GRHL2: variants seen among roughly 807,000 people sequenced by gnomAD.
The protein encoded by GRHL2 is grainyhead like transcription factor 2.
Under a neutral mutation model 83.8 loss-of-function variants are expected in GRHL2, and 21 were observed. The ratio of observed to expected loss-of-function variants is 0.25; its 90% CI spans 0.18 to 0.36. The LOEUF is 0.36. GRHL2 is among the 10% of genes least tolerant of loss of function. The pLI, the probability that GRHL2 is intolerant of heterozygous loss-of-function variation, is 1.00. For synonymous variants in GRHL2, 280 were observed against 278.9 expected (o/e 1.00, Z -0.04); for missense variants, 623 against 781.8 (o/e 0.80, Z 2.42).
At chr8:101,561,082 T>C (rs1402787446) in intron 4 of GRHL2, among the ~76,000 whole-genome samples, 1 of 152,104 alleles carries the variant, frequency 6.6e-6, no homozygotes, top group African/African-American at 2.4e-5. Context: ...CTTTTTTTGT[T>C]TGTTTTTTGT....
chr8:101,518,103 CT>C (rs1563560587), intron 1 of GRHL2, among the ~76,000 whole-genome samples: 1 of 152,208 alleles, frequency 6.6e-6, no homozygotes. Flanking sequence ...GTATAGCAGC[CT>C]TTTCCTAAAC....
At chr8:101,676,111 A>C in the GRHL2 span, among the ~76,000 whole-genome samples, 1 of 151,564 alleles carries the variant, frequency 6.6e-6, no homozygotes, top group African/African-American at 2.4e-5. Context: ...AAAACCCTAG[A>C]AGAAAACCTA....
Position 101,644,127 on chromosome 8 carries a change from C to T in GRHL2, c.1518-4C>T, listed in dbSNP as rs1287354862. On this transcript the variant is annotated splice_region_variant and splice_polypyrimidine_tract_variant and intron_variant, in intron 12 of 15. Transcript: ENST00000646743. ...ACTTAAGGATTTCTGCTTATCTTTTCTAGTGGCAGTGTCCTTGTTAAACGG... is the reference window on the plus strand; with the variant it reads ...ACTTAAGGATTTCTGCTTATCTTTTTTAGTGGCAGTGTCCTTGTTAAACGG... 4 of 1,613,352 alleles carry T rather than the reference C, an allele frequency of 2.5e-6. No individual in the cohort carries two copies. The Admixed American group carries it at 6.7e-5, about 27-fold the overall frequency.
At chr8:101,586,394 C>A (rs761924726) in intron 7 of GRHL2, among the ~76,000 whole-genome samples, 8 of 152,172 alleles carry the variant, frequency 5.3e-5, no homozygotes, top group Admixed American at 2.0e-4. Context: ...TTTGACCCAT[C>A]TCTGGGGTTC....
At chr8:101,664,300 G>A (rs965711415) in intron 14 of GRHL2, among the ~76,000 whole-genome samples, 154 bp from the exon 15 acceptor site, 2 of 151,658 alleles carry the variant, frequency 1.3e-5, no homozygotes, top group African/African-American at 4.9e-5. Context: ...CAAAGGGAGA[G>A]GCTCATAAAT....
chr8:101,548,099 T>G (rs1391496612), intron 2 of GRHL2, among the ~76,000 whole-genome samples: 1 of 152,266 alleles, frequency 6.6e-6, no homozygotes, highest in Non-Finnish European at 1.5e-5. Flanking sequence ...TGACCAGTAC[T>G]GCTGGAAACC....
At position 101,598,071 on chromosome 8, in the gene GRHL2, A is replaced by G. The variant is rs565613832; in HGVS notation, c.1004-986A>G. On this transcript the variant is annotated intron_variant, in intron 7 of 15. Transcript: ENST00000646743. ...GCTATATACACAGGCAATTCAAACC[A>G]ATATATTCCGTAAGAATATATATAA... is the stretch of plus-strand genomic sequence containing the variant. Among the ~76,000 whole-genome samples the G allele has an allele frequency of 3.3e-5, 5 of 152,324 alleles. No homozygotes were observed. The South Asian group carries it at 1.0e-3, about 32-fold the overall frequency.
intron 7 of GRHL2, among the ~76,000 whole-genome samples, chr8:101,592,865 G>A (rs1812315098): frequency 6.6e-6 from 1 of 152,098 alleles, no homozygotes. Context: ...TATATCTCTG[G>A]CAGCACATGA....
At chr8:101,625,802 T>A (rs1813068581) in intron 9 of GRHL2, among the ~76,000 whole-genome samples, 1 of 152,022 alleles carries the variant, frequency 6.6e-6, no homozygotes, top group African/African-American at 2.4e-5. Flanking sequence ...TTGGAGAATG[T>A]TGGGTAAATG....
Position 101,619,574 on chromosome 8 carries a change from C to T in GRHL2, c.1134C>T (p.Phe378=), listed in dbSNP as rs867422530. The change falls in exon 9 of 16, where the codon TTC becomes TTT. Residue 378 remains phenylalanine, a synonymous_variant. Transcript: ENST00000646743. ...CCGTGAATTGCTTGAGCACAGATTT[C>T]TCCTCCCAAAAAGGGGTGAAAGGAC... ...FITVNCLSTD[F]SSQKGVKGLP... 1 of 1,613,800 alleles carries T rather than the reference C, an allele frequency of 6.2e-7. No individual in the cohort carries two copies. The highest frequency in any genetic ancestry group is 8.5e-7 in the Non-Finnish European group (1 of 1,179,858).
chr8:101,516,216 G>A (rs770957694), intron 1 of GRHL2, among the ~76,000 whole-genome samples: 6 of 152,034 alleles, frequency 3.9e-5, no homozygotes, highest in Admixed American at 3.9e-4. Context: ...GACTGCCTCT[G>A]GGCTGCAGAC....
At chr8:101,603,497 A>G (rs1250513175) in intron 8 of GRHL2, among the ~76,000 whole-genome samples, 19 of 152,218 alleles carry the variant, frequency 1.2e-4, no homozygotes, top group Admixed American at 1.2e-3. Context: ...GAACAGAAAA[A>G]AAGGAAAGAC....
chr8:101,565,445 T>C (rs137988898), intron 4 of GRHL2, among the ~76,000 whole-genome samples: 29 of 152,284 alleles, frequency 1.9e-4, no homozygotes, highest in African/African-American at 6.7e-4. Context: ...TTTAATACAA[T>C]AAAATATTAT....
intron 4 of GRHL2, among the ~76,000 whole-genome samples, chr8:101,567,072 G>T (rs1428022304): frequency 2.6e-5 from 4 of 152,068 alleles, no homozygotes; most frequent in Admixed American, 2.6e-4. Flanking sequence ...AGCAATTTAT[G>T]ATTTCCCTAC....
chr8:101,644,174 G>A lies in GRHL2; in HGVS notation c.1561G>A (p.Glu521Lys), dbSNP rs1563622532. 6.2e-7 allele frequency: 1 copy of A among 1,614,166 alleles called. No homozygotes were observed. The highest frequency in any genetic ancestry group is 2.2e-5 in the East Asian group (1 of 44,878). Residue 521 changes from glutamate to lysine, a missense_variant, in exon 13 of 16, where the codon GAG (glutamate) becomes AAG (lysine). Glu to Lys is a moderately conservative substitution (Grantham distance 56). Coordinates refer to ENST00000646743, the MANE Select transcript of GRHL2 (RefSeq NM_024915.4). ...VKRMFRPMEE[E>K]FGPVPSKQMK... ...ACGGATGTTCCGGCCCATGGAAGAG[G>A]AGTTTGGTCCAGTGCCTTCAAAGCA...
intron 12 of GRHL2, among the ~76,000 whole-genome samples, chr8:101,637,849 C>G (rs1813320609): frequency 6.6e-6 from 1 of 152,196 alleles, no homozygotes; most frequent in Non-Finnish European, 1.5e-5. Context: ...TCTCATCTTC[C>G]CTCGTCATTC....
intron 1 of GRHL2, among the ~76,000 whole-genome samples, chr8:101,504,126 G>A (rs902512323): frequency 6.6e-6 from 1 of 152,144 alleles, no homozygotes; most frequent in Non-Finnish European, 1.5e-5. Context: ...CTTGCTGCTT[G>A]CTTGTTGCAG....
intron 1 of GRHL2, among the ~76,000 whole-genome samples, chr8:101,513,748 G>A (rs1810513343): frequency 6.6e-6 from 1 of 151,990 alleles, no homozygotes; most frequent in African/African-American, 2.4e-5. Flanking sequence ...TTCCCACCTT[G>A]GCCTCCCAAA....
At chr8:101,532,294 A>T (rs188219270) in intron 1 of GRHL2, among the ~76,000 whole-genome samples, 1 of 152,346 alleles carries the variant, frequency 6.6e-6, no homozygotes, top group African/African-American at 2.4e-5. Context: ...AAAAGTAGTT[A>T]TCACATTTTG....
Sources: gnomAD v4.1 joint callset for allele counts (sites outside exome capture counted in the v4.1 genomes callset) on GRCh38, gnomAD v4.1.1 for gene constraint, MANE v1.5 for transcripts, NCBI Gene and HGNC (gene_info 2026-07-23, HGNC 2026-07-21) for gene names.